RSRP1: variants seen among roughly 807,000 people sequenced by gnomAD.
RSRP1 encodes the protein arginine and serine rich protein 1.
RSRP1 carries 37 observed loss-of-function variants against 33.0 expected under a neutral mutation model. The observed-to-expected ratio is 1.12, with a 90% CI of 0.86 to 1.48. The LOEUF (loss-of-function observed/expected upper bound fraction) is 1.48, where lower values mean the gene tolerates loss of function less well. Among genes scored for constraint, RSRP1 ranks in the 40% most tolerant of loss-of-function variants. The pLI, the probability that RSRP1 is intolerant of heterozygous loss-of-function variation, is 0.00. For missense variants in RSRP1, 402 were observed against 385.3 expected (o/e 1.04, Z -0.36); for synonymous variants, 167 against 158.7 (o/e 1.05, Z -0.40).
intron 1 of RSRP1, among the ~76,000 whole-genome samples, chr1:25,310,367 G>C (rs1169602937): frequency 7.5e-6 from 1 of 133,138 alleles, no homozygotes; most frequent in Non-Finnish European, 1.8e-5. Flanking sequence ...GCATGCTCTT[G>C]CCCTCTCACT....
intron 1 of RSRP1, chr1:25,294,713 T>C: frequency 3.9e-6 from 2 of 518,944 alleles, no homozygotes; most frequent in Admixed American, 6.3e-5. Context: ...CCGGCAGATT[T>C]GGTGGCGGGT....
At chr1:25,246,420 T>C in intron 2 of RSRP1, 24 bp downstream of exon 2, 1 of 1,605,782 alleles carries the variant, frequency 6.2e-7, no homozygotes. Flanking sequence ...TTACCACAAA[T>C]GGAAAGGTAA....
Position 25,289,936 on chromosome 1 carries a change from C to T in RSRP1, c.-66-42907G>A, listed in dbSNP as rs602155. Reference sequence around the variant, plus strand: ...ATCATAATAGCGTTAATAAGGCTAGCGTCTTTTCAGAAGTTGGTTCTTTGT... The same window carrying T: ...ATCATAATAGCGTTAATAAGGCTAGTGTCTTTTCAGAAGTTGGTTCTTTGT... On this transcript the variant is annotated intron_variant, in intron 1 of 1. Coordinates refer to the RSRP1 transcript ENST00000561867. Among the ~76,000 whole-genome samples, 4 of 130,136 alleles carry T rather than the reference C, an allele frequency of 3.1e-5. 1 individual carries two copies. The highest frequency in any genetic ancestry group is 5.4e-5 in the Non-Finnish European group (3 of 55,416). 85.4% of individuals were successfully genotyped at this position (130,136 alleles called of 152,430 possible). A position where few individuals can be genotyped will look rare whatever the true frequency, so the allele number is the denominator to read the frequency against.
intron 3 of RSRP1, chr1:25,244,351 T>C: frequency 7.8e-7 from 1 of 1,288,608 alleles, no homozygotes; most frequent in Non-Finnish European, 1.0e-6. Flanking sequence ...CTGTCCCAAA[T>C]TCTAGCATGC....
intron 1 of RSRP1, among the ~76,000 whole-genome samples, chr1:25,333,813 G>A (rs1645046437): frequency 7.7e-6 from 1 of 129,922 alleles, no homozygotes; most frequent in African/African-American, 2.7e-5. Context: ...CTTGTGCAGA[G>A]AAACTCCCCC....
intron 3 of RSRP1, chr1:25,244,634 G>T: frequency 1.6e-6 from 2 of 1,244,812 alleles, no homozygotes; most frequent in Non-Finnish European, 2.1e-6. Flanking sequence ...AATCACCAAA[G>T]TACCAGCTAA....
intron 1 of RSRP1, among the ~76,000 whole-genome samples, chr1:25,269,602 C>T (rs1640432786): frequency 7.5e-6 from 1 of 132,752 alleles, no homozygotes; most frequent in Admixed American, 7.3e-5. Flanking sequence ...ACTTATCTAT[C>T]CTAGATCCCT....
At position 25,313,372 on chromosome 1, in the gene RSRP1, T is replaced by C. The variant is rs548357149; in HGVS notation, c.-67+24606A>G. Among the ~76,000 whole-genome samples the C allele has an allele frequency of 1.6e-4, 21 of 132,826 alleles. 3 individuals carry two copies. In the South Asian group the frequency reaches 3.7e-3, roughly 23 times the overall value. 87.1% of individuals were successfully genotyped at this position (132,826 alleles called of 152,430 possible). A position where few individuals can be genotyped will look rare whatever the true frequency, so the allele number is the denominator to read the frequency against. ...ATTCTGTGGTATTCTGTTATAGCAA[T>C]AGAAAATGAACTGAGATAATATACA... On this transcript the variant is annotated intron_variant, in intron 1 of 1. Transcript: ENST00000561867.
At chr1:25,260,871 G>A (rs192131419) in intron 1 of RSRP1, among the ~76,000 whole-genome samples, 2,307 of 150,778 alleles carry the variant, frequency 0.015, 31 homozygotes, top group Non-Finnish European at 0.025. Flanking sequence ...GATCGATCTC[G>A]GCTCACTGCA....
chr1:25,296,240 TTTC>T (rs1642945738), intron 1 of RSRP1, among the ~76,000 whole-genome samples: 1 of 125,752 alleles, frequency 8.0e-6, no homozygotes, highest in South Asian at 2.4e-4. Context: ...TCAGTGTACA[TTTC>T]TTTTTTTTTT....
At chr1:25,245,471 G>A (rs774690601) in intron 2 of RSRP1, among the ~76,000 whole-genome samples, 170 bp from the exon 3 acceptor site, 1 of 152,100 alleles carries the variant, frequency 6.6e-6, no homozygotes, top group Non-Finnish European at 1.5e-5. Flanking sequence ...AGCTGCGCTG[G>A]TCCACTTTAT....
rs1335619120 is a variant in RSRP1, at chr1:25,303,212, G to T, written c.-67+34766C>A. 604 of 1,021,082 alleles carry T rather than the reference G, an allele frequency of 5.9e-4. 131 individuals are homozygous for T. Among genetic ancestry groups the T allele is most frequent in the Non-Finnish European group, 5.7e-4 (379 of 667,880 alleles). 63.3% of individuals were successfully genotyped at this position (1,021,082 alleles called of 1,614,324 possible). On this transcript the variant is annotated intron_variant, in intron 1 of 1. Transcript: ENST00000561867. ...GAGAAGTGGTTTCAGGATCAGCAAAGCAGGGAGGATGTTACAGGGTTGCCT... is the reference window on the plus strand; with the variant it reads ...GAGAAGTGGTTTCAGGATCAGCAAATCAGGGAGGATGTTACAGGGTTGCCT...
chr1:25,248,226 GTGTT>G (rs1198311614), upstream of RSRP1: 1 of 152,114 alleles, frequency 6.6e-6, no homozygotes, highest in East Asian at 1.9e-4. Context: ...TCCAAAAACT[GTGTT>G]TGGTGTGAGT....
At chr1:25,288,261 G>C (rs1642213914) in intron 1 of RSRP1, among the ~76,000 whole-genome samples, 1 of 129,812 alleles carries the variant, frequency 7.7e-6, no homozygotes, top group African/African-American at 2.6e-5. Flanking sequence ...CAAGTGATCT[G>C]CCCACCTCGG....
chr1:25,274,872 T>C lies in RSRP1; in HGVS notation c.-66-27843A>G, dbSNP rs1362697120. Among the ~76,000 whole-genome samples, 6 of 130,040 alleles carry C rather than the reference T, an allele frequency of 4.6e-5. 1 individual carries two copies. Among genetic ancestry groups the C allele is most frequent in the African/African-American group, 1.6e-4 (6 of 38,040 alleles). The allele number at this position is 130,040 out of a possible 152,430, so 85.3% of individuals were successfully genotyped here. On this transcript the variant is annotated intron_variant, in intron 1 of 1. Transcript: ENST00000561867. ...AATTATAAAAACTGGCTGGGTGTGG[T>C]GGCACACGTCTATAATCCGAGCTAC...
chr1:25,244,819 G>T, intron 3 of RSRP1: 2 of 952,494 alleles, frequency 2.1e-6, no homozygotes. Context: ...AAACAGCTGG[G>T]ACTACAGGCA....
At chr1:25,290,034 G>C (rs550908044) in intron 1 of RSRP1, among the ~76,000 whole-genome samples, 1 of 125,370 alleles carries the variant, frequency 8.0e-6, no homozygotes, top group Non-Finnish European at 1.9e-5. Flanking sequence ...CATGGGATAC[G>C]TTTGATCATC....
chr1:25,263,081 T>C (rs1273362639), intron 1 of RSRP1, among the ~76,000 whole-genome samples: 3 of 152,098 alleles, frequency 2.0e-5, no homozygotes, highest in Non-Finnish European at 4.4e-5. Flanking sequence ...GAGGTTAATA[T>C]CTGAGCAGAG....
At chr1:25,256,922 T>C (rs1639967372) in intron 1 of RSRP1, among the ~76,000 whole-genome samples, 1 of 152,242 alleles carries the variant, frequency 6.6e-6, no homozygotes, top group South Asian at 2.1e-4. Flanking sequence ...TTCACTTGCT[T>C]TCCTCAGTCT....
Sources: gnomAD v4.1 joint callset for allele counts (sites outside exome capture counted in the v4.1 genomes callset) on GRCh38, gnomAD v4.1.1 for gene constraint, MANE v1.5 for transcripts, NCBI Gene and HGNC (gene_info 2026-07-23, HGNC 2026-07-21) for gene names.